PAK5: variants seen among roughly 807,000 people sequenced by gnomAD.
The protein encoded by PAK5 is p21 (RAC1) activated kinase 5.
Under a neutral mutation model 65.9 loss-of-function variants are expected in PAK5, and 16 were observed. The observed-to-expected ratio is 0.24, with a 90% CI of 0.16 to 0.37. PAK5 has a LOEUF of 0.37. PAK5 is among the 10% of genes least tolerant of loss of function. PAK5 has a pLI of 1.00. For missense variants in PAK5, 785 were observed against 903.9 expected (o/e 0.87, Z 1.69); for synonymous variants, 371 against 354.9 (o/e 1.05, Z -0.51).
intron 5 of PAK5, among the ~76,000 whole-genome samples, chr20:9,564,227 A>T (rs1272123166): frequency 6.6e-6 from 1 of 152,234 alleles, no homozygotes; most frequent in Non-Finnish European, 1.5e-5. Flanking sequence ...GTTTTCTAAC[A>T]TAATTACTCA....
At chr20:9,611,897 CCTATTTCCTTCATGCAA>C (rs1239272292) in intron 3 of PAK5, among the ~76,000 whole-genome samples, 1 of 152,148 alleles carries the variant, frequency 6.6e-6, no homozygotes, top group Non-Finnish European at 1.5e-5. Context: ...CCCTTTCCTG[CCTATTTCCTTCATGCAA>C]TTACTAGTTT....
chr20:9,552,335 G>C (rs2045441293), intron 7 of PAK5, among the ~76,000 whole-genome samples: 1 of 152,206 alleles, frequency 6.6e-6, no homozygotes. Flanking sequence ...TTTATCAAAT[G>C]TTGGCCCTAG....
chr20:9,643,091 CT>C (rs1161235794), intron 3 of PAK5, among the ~76,000 whole-genome samples: 1 of 152,124 alleles, frequency 6.6e-6, no homozygotes, highest in Non-Finnish European at 1.5e-5. Context: ...CAGTTTTGTT[CT>C]GCATATTATT....
chr20:9,783,691 A>G (rs961136268), intron 1 of PAK5, among the ~76,000 whole-genome samples: 2 of 152,336 alleles, frequency 1.3e-5, no homozygotes, highest in Middle Eastern at 3.4e-3. Flanking sequence ...AGTATGTGAT[A>G]CTTTAAGTCT....
chr20:9,685,913 T>TA (rs879833475), intron 2 of PAK5, among the ~76,000 whole-genome samples: 10 of 152,176 alleles, frequency 6.6e-5, no homozygotes, highest in African/African-American at 9.7e-5. Flanking sequence ...AAGTTTCTGA[T>TA]AAAAAAATTA....
rs552119218 is a variant in PAK5, at chr20:9,551,248, C to T, written c.1743+6360G>A. 8.5e-4 allele frequency among the ~76,000 whole-genome samples: 130 copies of T among 152,262 alleles called. 1 individual carries two copies. Among genetic ancestry groups the T allele is most frequent in the African/African-American group, 2.8e-3 (115 of 41,542 alleles). ...AGATCTTAAAAGCAAATCACATAGA[C>T]GCTAAGCTGAGCCTTACTTTGGGTA... On this transcript the variant is annotated intron_variant, in intron 7 of 9. Transcript: ENST00000353224.
chr20:9,816,319 C>A (rs1455491955), intron 1 of PAK5, among the ~76,000 whole-genome samples: 1 of 152,108 alleles, frequency 6.6e-6, no homozygotes, highest in Non-Finnish European at 1.5e-5. Context: ...CCATTAATAG[C>A]GAAATAAAGG....
At chr20:9,567,730 GGGGTTTATGCTCCAGAGAA>G (rs1410015201) in intron 4 of PAK5, among the ~76,000 whole-genome samples, 17 of 152,308 alleles carry the variant, frequency 1.1e-4, no homozygotes, top group Non-Finnish European at 2.2e-4. Flanking sequence ...CTGCCCTCCT[GGGGTTTATGCTCCAGAGAA>G]GGAAATAGAT....
At chr20:9,666,689 CA>C (rs755782153) in intron 2 of PAK5, among the ~76,000 whole-genome samples, 2 of 152,050 alleles carry the variant, frequency 1.3e-5, no homozygotes, top group Non-Finnish European at 2.9e-5. Context: ...CAAAACAAAA[CA>C]AAACAAAAAA....
In PAK5 at chr20:9,566,199, C is replaced by G. The variant is rs772238857; in HGVS notation, c.1176G>C (p.Ser392=). 5.0e-6 allele frequency: 8 copies of G among 1,613,698 alleles called. No homozygotes were observed. The South Asian group carries it at 7.7e-5, about 16-fold the overall frequency. ...LYHHPSLQSS[S]QYISTASYLS... is the part of the protein sequence containing the mutation. ...GGTAGGAAGCCGTGGAGATGTACTG[C>G]GAACTGCTCTGCAGGGAGGGGTGAT... Residue 392 remains serine, a synonymous_variant, in exon 5 of 10, where the codon TCG becomes TCC. Coordinates refer to ENST00000353224, the MANE Select transcript of PAK5 (RefSeq NM_177990.4).
Position 9,735,902 on chromosome 20 carries a change from ATT to A in PAK5, c.-161-24469_-161-24468del, listed in dbSNP as rs36113165. On this transcript the variant is annotated intron_variant, in intron 1 of 9. Coordinates refer to ENST00000353224, the MANE Select transcript of PAK5 (RefSeq NM_177990.4). ...TGAGACATAGCAATAGAAACAATCT[ATT>A]TTTTTTTTTTTTTTGAGATGGAGTT... is the stretch of plus-strand genomic sequence containing the variant. Among the ~76,000 whole-genome samples, 188 of 136,936 alleles carry A rather than the reference ATT, an allele frequency of 1.4e-3. 1 individual carries two copies. The highest frequency in any genetic ancestry group is 4.6e-3 in the African/African-American group (171 of 37,308). The allele number at this position is 136,936 out of a possible 152,430, so 89.8% of individuals were successfully genotyped here.
At chr20:9,783,133 T>C (rs2048959627) in intron 1 of PAK5, among the ~76,000 whole-genome samples, 1 of 151,902 alleles carries the variant, frequency 6.6e-6, no homozygotes, top group Non-Finnish European at 1.5e-5. Context: ...ATGGGGTTTC[T>C]CCATCTTGGT....
At chr20:9,671,667 A>G (rs2047500150) in intron 2 of PAK5, among the ~76,000 whole-genome samples, 1 of 146,164 alleles carries the variant, frequency 6.8e-6, no homozygotes, top group Non-Finnish European at 1.5e-5. Flanking sequence ...GCTTAAGGAG[A>G]TTTTGGGCTG....
chr20:9,557,748 A>C lies in PAK5; in HGVS notation c.1617-14T>G. On this transcript the variant is annotated splice_polypyrimidine_tract_variant and intron_variant, in intron 6 of 9. Coordinates refer to ENST00000353224, the MANE Select transcript of PAK5 (RefSeq NM_177990.4). ...TCTTCATTCATTCTGGAAAGGAAAT[A>C]ACATTTAAGGAACAAGACAGGTTTA... 1 of 1,608,630 alleles carries C rather than the reference A, an allele frequency of 6.2e-7. No homozygotes were observed. Among genetic ancestry groups the C allele is most frequent in the Non-Finnish European group, 8.5e-7 (1 of 1,175,852 alleles).
chr20:9,693,273 T>C (rs2047822501), intron 2 of PAK5, among the ~76,000 whole-genome samples: 1 of 152,166 alleles, frequency 6.6e-6, no homozygotes, highest in Non-Finnish European at 1.5e-5. Context: ...AAGAGTGGGA[T>C]AAGACCCTCT....
chr20:9,565,366 G>A (rs12481202), intron 5 of PAK5, among the ~76,000 whole-genome samples: 1 of 152,060 alleles, frequency 6.6e-6, no homozygotes, highest in Non-Finnish European at 1.5e-5. Flanking sequence ...TTTATAGTTA[G>A]GAAAAATATT....
chr20:9,814,403 A>G (rs1280389401), intron 1 of PAK5, among the ~76,000 whole-genome samples: 1 of 152,184 alleles, frequency 6.6e-6, no homozygotes, highest in African/African-American at 2.4e-5. Flanking sequence ...ATGTCTTGAA[A>G]AAATGATTGT....
At chr20:9,719,567 G>A (rs146220325) in intron 1 of PAK5, among the ~76,000 whole-genome samples, 1 of 151,906 alleles carries the variant, frequency 6.6e-6, no homozygotes, top group Non-Finnish European at 1.5e-5. Context: ...TAATGTGTTG[G>A]CTTTTATTTT....
intron 4 of PAK5, among the ~76,000 whole-genome samples, chr20:9,573,945 G>T (rs1241897063): frequency 2.0e-5 from 3 of 152,178 alleles, no homozygotes; most frequent in African/African-American, 7.2e-5. Flanking sequence ...CAGGCTGGGT[G>T]CTGCTTACTC....
Sources: allele counts gnomAD v4.1 joint callset (sites outside exome capture counted in the v4.1 genomes callset), GRCh38; gene constraint gnomAD v4.1.1; transcripts MANE v1.5; gene names NCBI Gene and HGNC (gene_info 2026-07-23, HGNC 2026-07-21).